MYPN: variants seen among roughly 807,000 people sequenced by gnomAD.
The protein encoded by MYPN is myopalladin, also known as sarcomeric protein myopalladin, 145 kDa (MYOP).
In MYPN, 63 loss-of-function variants were observed where a neutral mutation model predicts 129.4. The ratio of observed to expected loss-of-function variants is 0.49; its 90% CI spans 0.40 to 0.60. The LOEUF is 0.60. MYPN is among the 20% of genes least tolerant of loss of function. The pLI is 0.00. For missense variants in MYPN, 1,596 were observed against 1,635.4 expected (o/e 0.98, Z 0.42); for synonymous variants, 629 against 600.9 (o/e 1.05, Z -0.68).
At chr10:68,172,200 T>TA (rs1276119287) in intron 10 of MYPN, among the ~76,000 whole-genome samples, 1 of 151,754 alleles carries the variant, frequency 6.6e-6, no homozygotes, top group Non-Finnish European at 1.5e-5. Flanking sequence ...ACAAAAAATA[T>TA]AAAAAATTGC....
chr10:68,120,553 G>A (rs1484813790), intron 1 of MYPN, among the ~76,000 whole-genome samples: 3 of 152,114 alleles, frequency 2.0e-5, no homozygotes, highest in South Asian at 4.1e-4. Context: ...TCAAGAACAG[G>A]TTGAGCCTAA....
At chr10:68,206,597 C>G (rs2043819570) in intron 18 of MYPN, among the ~76,000 whole-genome samples, 173 bp from the exon 19 acceptor site, 2 of 152,160 alleles carry the variant, frequency 1.3e-5, no homozygotes, top group East Asian at 1.9e-4. Flanking sequence ...CCAGCTGCCC[C>G]CTCCTCCTAG....
intron 6 of MYPN, among the ~76,000 whole-genome samples, chr10:68,153,295 T>TAA (rs2042809688): frequency 6.6e-6 from 1 of 152,262 alleles, no homozygotes; most frequent in African/African-American, 2.4e-5. Flanking sequence ...ACATTTATTC[T>TAA]TTACATTTAA....
chr10:68,123,485 G>A (rs2042279413), intron 2 of MYPN, among the ~76,000 whole-genome samples: 1 of 150,038 alleles, frequency 6.7e-6, no homozygotes, highest in Non-Finnish European at 1.5e-5. Context: ...GACCATCCTG[G>A]CTAAAAAGGT....
chr10:68,096,290 T>C (rs930719641), intron 1 of MYPN, among the ~76,000 whole-genome samples: 1 of 152,166 alleles, frequency 6.6e-6, no homozygotes, highest in African/African-American at 2.4e-5. Flanking sequence ...TTCTCATATG[T>C]GAAACATGAG....
At chr10:68,092,352 G>A (rs1233467976) in intron 1 of MYPN, among the ~76,000 whole-genome samples, 1 of 151,982 alleles carries the variant, frequency 6.6e-6, no homozygotes, top group African/African-American at 2.4e-5. Context: ...AAAATTAGCC[G>A]GGCATGGTGG....
At chr10:68,135,280 A>G (rs941886065) in intron 2 of MYPN, among the ~76,000 whole-genome samples, 3 of 152,182 alleles carry the variant, frequency 2.0e-5, no homozygotes, top group Admixed American at 6.5e-5. Flanking sequence ...AATAACACTT[A>G]AAACATAGAC....
At chr10:68,200,928 C>T (rs578143929) in intron 17 of MYPN, among the ~76,000 whole-genome samples, 1 of 152,150 alleles carries the variant, frequency 6.6e-6, no homozygotes, top group African/African-American at 2.4e-5. Context: ...AGGCTTTTAC[C>T]TTTATTCCAC....
At chr10:68,182,469 T>TACACACACACAC (rs746883010) in intron 12 of MYPN, among the ~76,000 whole-genome samples, 2 of 111,986 alleles carry the variant, frequency 1.8e-5, no homozygotes, top group African/African-American at 7.1e-5. Flanking sequence ...ATATAACATA[T>TACACACACACAC]ATACACACAC....
At chr10:68,170,713 T>A (rs1016490812) in intron 10 of MYPN, among the ~76,000 whole-genome samples, 3 of 152,182 alleles carry the variant, frequency 2.0e-5, no homozygotes, top group Non-Finnish European at 4.4e-5. Flanking sequence ...TCTAGAGCAG[T>A]GATTCCTCAC....
intron 16 of MYPN, among the ~76,000 whole-genome samples, chr10:68,198,088 C>T (rs6480312): frequency 0.58 from 88,207 of 152,052 alleles, 27,563 homozygotes; most frequent in Non-Finnish European, 0.69. Flanking sequence ...AAACTTTAGA[C>T]AAAAGGAGGA....
chr10:68,127,815 G>T (rs2042350036), intron 2 of MYPN, among the ~76,000 whole-genome samples: 1 of 152,152 alleles, frequency 6.6e-6, no homozygotes, highest in African/African-American at 2.4e-5. Flanking sequence ...AAATAACAAA[G>T]TAATGAGACA....
chr10:68,160,436 A>C lies in MYPN; in HGVS notation c.1460-1293A>C, dbSNP rs1208086224. Among the ~76,000 whole-genome samples, 4 of 148,536 alleles carry C rather than the reference A, an allele frequency of 2.7e-5. No individual in the cohort carries two copies. In the East Asian group the frequency reaches 7.8e-4, roughly 29 times the overall value. On this transcript the variant is annotated intron_variant, in intron 7 of 19. Coordinates refer to ENST00000358913, the MANE Select transcript of MYPN (RefSeq NM_032578.4). ...CAGAGTGAGACCTTATCTCAAAAAA[A>C]AAAAAAAAAAAAAAAAAAACAGAGA...
chr10:68,161,931 G>A (rs1307818742), intron 8 of MYPN, 179 bp downstream of exon 8: 1 of 497,678 alleles, frequency 2.0e-6, no homozygotes, highest in Non-Finnish European at 3.6e-6. Context: ...GCGAGGCCGA[G>A]GCGGGCGGAT....
At chr10:68,118,802 C>G (rs916866720) in intron 1 of MYPN, among the ~76,000 whole-genome samples, 6 of 150,870 alleles carry the variant, frequency 4.0e-5, no homozygotes, top group African/African-American at 1.5e-4. Context: ...CCACTGTGCT[C>G]CATCCTGGGT....
At chr10:68,121,384 C>G in intron 1 of MYPN, 54 bp from the exon 2 acceptor site, 1 of 1,519,292 alleles carries the variant, frequency 6.6e-7, no homozygotes, top group Non-Finnish European at 9.0e-7. Context: ...TAGACATAGA[C>G]TTGTTATTCC....
Position 68,210,348 on chromosome 10 carries a change from T to C in MYPN, c.3856T>C (p.Ser1286Pro). Residue 1286 changes from serine to proline, a missense_variant, in exon 20 of 20, where the codon TCT becomes CCT. Transcript: ENST00000358913. ...SVRPSGSRYG[S>P]LTSKGLDIFS... ...CCGGCCCAGTGGCAGTCGCTACGGATCTCTCACCAGTAAAGGACTTGACAT... is the reference window on the plus strand; with the variant it reads ...CCGGCCCAGTGGCAGTCGCTACGGACCTCTCACCAGTAAAGGACTTGACAT... The C allele has an allele frequency of 2.5e-6, 4 of 1,614,130 alleles. No homozygotes were observed. The highest frequency in any genetic ancestry group is 3.4e-6 in the Non-Finnish European group (4 of 1,180,036).
At chr10:68,150,685 T>A (rs915863370) in intron 6 of MYPN, among the ~76,000 whole-genome samples, 5 of 152,174 alleles carry the variant, frequency 3.3e-5, no homozygotes, top group Non-Finnish European at 7.3e-5. Context: ...GATGAAGCCA[T>A]GTAGCCAATG....
chr10:68,171,137 A>G (rs2043137400), intron 10 of MYPN, among the ~76,000 whole-genome samples: 1 of 120,408 alleles, frequency 8.3e-6, no homozygotes, highest in South Asian at 2.8e-4. Context: ...TAACAGAGCA[A>G]GACTCTGTCA....
Sources: gnomAD v4.1 joint callset for allele counts (sites outside exome capture counted in the v4.1 genomes callset) on GRCh38, gnomAD v4.1.1 for gene constraint, MANE v1.5 for transcripts, NCBI Gene and HGNC (gene_info 2026-07-23, HGNC 2026-07-21) for gene names.